SNX25: variants seen among roughly 807,000 people sequenced by gnomAD.
SNX25 encodes sorting nexin 25.
Under a neutral mutation model 113.7 loss-of-function variants are expected in SNX25, and 62 were observed. That is an observed-to-expected ratio of 0.55 (90% CI 0.44 to 0.67). The LOEUF is 0.67. Among genes scored for constraint, SNX25 ranks in the 30% least tolerant of loss-of-function variants. The probability of loss-of-function intolerance (pLI) is 0.00; values close to 1 mark genes in which losing one functional copy is unlikely to be tolerated. For missense variants in SNX25, 1,014 were observed against 1,161.0 expected (o/e 0.87, Z 1.84); for synonymous variants, 421 against 436.2 (o/e 0.97, Z 0.43).
intron 1 of SNX25, among the ~76,000 whole-genome samples, chr4:185,224,279 A>C (rs891001305): frequency 2.6e-5 from 4 of 151,456 alleles, no homozygotes; most frequent in Non-Finnish European, 5.9e-5. Context: ...TGAACCCAGG[A>C]AGCAGAGGTT....
At chr4:185,267,240 G>C in intron 5 of SNX25, 85 bp downstream of exon 5, 1 of 1,281,660 alleles carries the variant, frequency 7.8e-7, no homozygotes, top group Non-Finnish European at 1.1e-6. Flanking sequence ...AAAAGTAGTT[G>C]TCAGGGAAGC....
intron 6 of SNX25, among the ~76,000 whole-genome samples, chr4:185,289,777 C>T (rs537318510): frequency 5.9e-5 from 9 of 152,270 alleles, no homozygotes; most frequent in African/African-American, 2.2e-4. Context: ...GCTGCCTTGC[C>T]ACTGTAATCT....
intron 5 of SNX25, among the ~76,000 whole-genome samples, chr4:185,283,258 A>G (rs1279158838): frequency 8.5e-5 from 13 of 152,236 alleles, no homozygotes; most frequent in Admixed American, 8.5e-4. Context: ...TAAAGCACCA[A>G]GGAAGTGGGT....
At chr4:185,282,530 G>C (rs1750758495) in intron 5 of SNX25, among the ~76,000 whole-genome samples, 1 of 152,140 alleles carries the variant, frequency 6.6e-6, no homozygotes, top group Non-Finnish European at 1.5e-5. Flanking sequence ...CAGTGAGTTT[G>C]AGATTGTTGG....
downstream of SNX25, chr4:185,367,036 T>C (rs1395140645): frequency 1.3e-6 from 1 of 749,882 alleles, no homozygotes; most frequent in African/African-American, 1.8e-5. Flanking sequence ...AGCGTACGAA[T>C]TCAAGAACGA....
At chr4:185,313,592 A>G (rs576465288) in intron 7 of SNX25, among the ~76,000 whole-genome samples, 1 of 152,354 alleles carries the variant, frequency 6.6e-6, no homozygotes, top group African/African-American at 2.4e-5. Context: ...ACTATTTTCA[A>G]TGGAGTGAAT....
At chr4:185,205,712 C>T (rs3108242), upstream of SNX25, among the ~76,000 whole-genome samples, 70,048 of 152,022 alleles carry the variant, frequency 0.46, 16,655 homozygotes, top group East Asian at 0.59. Context: ...ATCTGTAATC[C>T]CAGCTACTCA....
At chr4:185,293,582 T>C (rs539642076) in intron 6 of SNX25, among the ~76,000 whole-genome samples, 14 of 152,322 alleles carry the variant, frequency 9.2e-5, no homozygotes, top group African/African-American at 3.1e-4. Flanking sequence ...TTCCAGTGTA[T>C]GTTGCTAAGA....
At chr4:185,257,992 G>A (rs1419311802) in intron 2 of SNX25, among the ~76,000 whole-genome samples, 2 of 152,150 alleles carry the variant, frequency 1.3e-5, no homozygotes, top group African/African-American at 4.8e-5. Flanking sequence ...GTACAATATG[G>A]GATTAAGTAC....
intron 5 of SNX25, among the ~76,000 whole-genome samples, chr4:185,278,692 A>G (rs1046260647): frequency 6.6e-6 from 1 of 152,246 alleles, no homozygotes; most frequent in Non-Finnish European, 1.5e-5. Flanking sequence ...GGAGAAAGCC[A>G]TTAGGACATT....
intron 4 of SNX25, among the ~76,000 whole-genome samples, chr4:185,265,244 T>C (rs971640617): frequency 6.6e-6 from 1 of 152,224 alleles, no homozygotes; most frequent in African/African-American, 2.4e-5. Context: ...CGAAGAAATG[T>C]GTCATTAGAC....
chr4:185,265,058 C>T (rs565077159), intron 4 of SNX25, among the ~76,000 whole-genome samples: 1 of 151,792 alleles, frequency 6.6e-6, no homozygotes, highest in African/African-American at 2.4e-5. Context: ...TCTTGAACTC[C>T]TGGGTTCAAG....
chr4:185,224,482 GATATATAAATAGATATATAA>G (rs1292114772), intron 1 of SNX25, among the ~76,000 whole-genome samples: 1 of 131,300 alleles, frequency 7.6e-6, no homozygotes, highest in African/African-American at 2.9e-5. Flanking sequence ...TAAATATATA[GATATATAAATAGATATATAA>G]ATATATAGAT....
intron 15 of SNX25, among the ~76,000 whole-genome samples, chr4:185,354,101 A>C (rs540430702): frequency 1.3e-5 from 2 of 151,812 alleles, no homozygotes; most frequent in Non-Finnish European, 2.9e-5. Flanking sequence ...CCCAAGACAG[A>C]TATCATCTCT....
At chr4:185,353,303 C>T (rs767896601) in intron 14 of SNX25, 182 bp from the exon 15 acceptor site, 44 of 503,698 alleles carry the variant, frequency 8.7e-5, no homozygotes, top group African/African-American at 3.0e-4. Context: ...GAATAAGGCT[C>T]GAGAATCAAG....
chr4:185,258,443 C>T (rs1376851916), intron 2 of SNX25, among the ~76,000 whole-genome samples: 2 of 152,120 alleles, frequency 1.3e-5, no homozygotes, highest in African/African-American at 4.8e-5. Flanking sequence ...AAGAAACTGA[C>T]GGTGTTTGCA....
chr4:185,260,602 A>G (rs1394316966), intron 3 of SNX25, among the ~76,000 whole-genome samples: 6 of 152,226 alleles, frequency 3.9e-5, no homozygotes, highest in Non-Finnish European at 8.8e-5. Context: ...AAAACTAAGA[A>G]TTTTTAAAAG....
chr4:185,340,694 T>C (rs2095255311), intron 11 of SNX25, among the ~76,000 whole-genome samples: 1 of 152,088 alleles, frequency 6.6e-6, no homozygotes, highest in Non-Finnish European at 1.5e-5. Context: ...GCCCTGACAC[T>C]TCACAGTGTA....
intron 5 of SNX25, among the ~76,000 whole-genome samples, chr4:185,277,452 A>G (rs368424082): frequency 7.4e-4 from 112 of 152,174 alleles, no homozygotes; most frequent in African/African-American, 2.5e-3. Flanking sequence ...GTTTTCAACA[A>G]CTGGCTTTTG....
Sources: allele counts gnomAD v4.1 joint callset (sites outside exome capture counted in the v4.1 genomes callset), GRCh38; gene constraint gnomAD v4.1.1; transcripts MANE v1.5; gene names NCBI Gene and HGNC (gene_info 2026-07-23, HGNC 2026-07-21).